Variants in ST3GAL3 observed in about 807,000 individuals in gnomAD.
ST3GAL3 encodes the protein CMP-N-acetylneuraminate-beta-1,4-galactoside alpha-2,3-sialyltransferase.
In ST3GAL3, 21 loss-of-function variants were observed where a neutral mutation model predicts 50.1. The observed-to-expected ratio is 0.42, with a 90% confidence interval of 0.30 to 0.60. The LOEUF is 0.60. ST3GAL3 is among the 20% of genes least tolerant of loss of function. The pLI, the probability that ST3GAL3 is intolerant of heterozygous loss-of-function variation, is 0.19. For missense variants in ST3GAL3, 353 were observed against 489.4 expected (o/e 0.72, Z 2.63); for synonymous variants, 183 against 190.0 (o/e 0.96, Z 0.30).
intron 1 of ST3GAL3, among the ~76,000 whole-genome samples, chr1:43,713,810 A>C (rs990580072): frequency 7.9e-5 from 12 of 152,198 alleles, no homozygotes; most frequent in South Asian, 2.1e-4. Flanking sequence ...CGCTGGGTTT[A>C]CACGCGTGAG....
intron 2 of ST3GAL3, among the ~76,000 whole-genome samples, chr1:43,768,104 T>C (rs1192891182): frequency 6.6e-6 from 1 of 152,162 alleles, no homozygotes; most frequent in East Asian, 1.9e-4. Flanking sequence ...ATTAACATAC[T>C]TTTCCAAGGA....
At chr1:43,894,210 G>C (rs189336112) in intron 5 of ST3GAL3, 173 bp from the exon 6 acceptor site, 1 of 691,528 alleles carries the variant, frequency 1.4e-6, no homozygotes, top group Admixed American at 2.0e-5. Flanking sequence ...CACTGAACAA[G>C]ATCTGTCAAA....
chr1:43,850,722 G>A (rs571892527), intron 5 of ST3GAL3: 92 of 746,572 alleles, frequency 1.2e-4, no homozygotes, highest in African/African-American at 7.7e-4. Context: ...GCCCAGCTCC[G>A]TCAGTGCCTC....
intron 3 of ST3GAL3, among the ~76,000 whole-genome samples, chr1:43,813,895 GCACACACGCACA>G (rs757484875): frequency 5.1e-5 from 5 of 97,788 alleles, no homozygotes; most frequent in African/African-American, 1.3e-4. Context: ...ACACACACAC[GCACACACGCACA>G]CACACACACA....
chr1:43,775,823 A>G (rs755589687), intron 2 of ST3GAL3, among the ~76,000 whole-genome samples: 8 of 152,054 alleles, frequency 5.3e-5, no homozygotes, highest in Non-Finnish European at 1.0e-4. Flanking sequence ...TTTCTCCTCA[A>G]TATAATATTA....
intron 5 of ST3GAL3, among the ~76,000 whole-genome samples, chr1:43,892,160 C>T (rs1372762755): frequency 6.6e-6 from 1 of 152,234 alleles, no homozygotes; most frequent in African/African-American, 2.4e-5. Flanking sequence ...CCAGGCTGGT[C>T]TCAAACTCCT....
intron 5 of ST3GAL3, 28 bp from the exon 6 acceptor site, chr1:43,894,355 G>A (rs768820451): frequency 6.2e-7 from 1 of 1,609,278 alleles, no homozygotes; most frequent in Non-Finnish European, 8.5e-7. Flanking sequence ...GCGTTTTTGT[G>A]ATCCTCAGCA....
At chr1:43,838,623 C>T (rs1218109930) in intron 5 of ST3GAL3, 1 of 369,352 alleles carries the variant, frequency 2.7e-6, no homozygotes, top group South Asian at 2.3e-5. Flanking sequence ...CACAGAAGCT[C>T]CTAGACCTAG....
intron 2 of ST3GAL3, among the ~76,000 whole-genome samples, chr1:43,764,587 G>A (rs10890279): frequency 0.32 from 47,920 of 152,090 alleles, 9,263 homozygotes; most frequent in East Asian, 0.53. Context: ...GGAAAGATGT[G>A]GAGATTGTAT....
chr1:43,823,497 A>C (rs2062379327), intron 4 of ST3GAL3, among the ~76,000 whole-genome samples: 2 of 152,182 alleles, frequency 1.3e-5, no homozygotes. Context: ...TTTAGAACAT[A>C]GTTCAAATGT....
chr1:43,876,210 C>T (rs968993134), intron 5 of ST3GAL3, among the ~76,000 whole-genome samples: 42 of 152,158 alleles, frequency 2.8e-4, no homozygotes, highest in Non-Finnish European at 4.7e-4. Context: ...GCAATCCGCC[C>T]GCCTCGGCCT....
chr1:43,779,880 A>G (rs1325941527), intron 2 of ST3GAL3, among the ~76,000 whole-genome samples: 2 of 152,108 alleles, frequency 1.3e-5, no homozygotes, highest in South Asian at 2.1e-4. Context: ...AGTTGTATAA[A>G]TCTTTCTCCA....
At chr1:43,828,574 A>C (rs2063122346) in intron 4 of ST3GAL3, among the ~76,000 whole-genome samples, 1 of 152,234 alleles carries the variant, frequency 6.6e-6, no homozygotes, top group South Asian at 2.1e-4. Flanking sequence ...CCCAATTAAA[A>C]AAATGGGCAA....
At chr1:43,880,170 G>A (rs1007816272) in intron 5 of ST3GAL3, among the ~76,000 whole-genome samples, 4 of 152,152 alleles carry the variant, frequency 2.6e-5, no homozygotes, top group Non-Finnish European at 5.9e-5. Context: ...GAGAGCTAGG[G>A]GTGCCACAAA....
intron 2 of ST3GAL3, among the ~76,000 whole-genome samples, chr1:43,753,244 C>A (rs1379157638): frequency 6.6e-6 from 1 of 152,182 alleles, no homozygotes; most frequent in East Asian, 1.9e-4. Context: ...CTGTGCAGTG[C>A]AGTTGAATAT....
chr1:43,841,752 T>C (rs907716818), intron 5 of ST3GAL3: 4 of 152,254 alleles, frequency 2.6e-5, no homozygotes, highest in Admixed American at 2.0e-4. Context: ...CAAATGTCTC[T>C]AGCAAGTGGT....
chr1:43,817,625 C>CCT (rs1558438436), intron 4 of ST3GAL3, among the ~76,000 whole-genome samples: 105 of 120,788 alleles, frequency 8.7e-4, no homozygotes, highest in South Asian at 1.9e-3. Flanking sequence ...TTCTCCTCCT[C>CCT]CCTTCTCCTC....
chr1:43,808,080 G>T (rs1014982015), intron 3 of ST3GAL3, among the ~76,000 whole-genome samples: 2 of 152,224 alleles, frequency 1.3e-5, no homozygotes, highest in Admixed American at 6.5e-5. Context: ...AAGGCAGGTG[G>T]ATCATGAGGT....
At chr1:43,831,568 C>T (rs1222512852) in intron 4 of ST3GAL3, 1 of 152,230 alleles carries the variant, frequency 6.6e-6, no homozygotes, top group African/African-American at 2.4e-5. Flanking sequence ...CCACAAACAA[C>T]AAGTATCTGT....
Sources: gnomAD v4.1 joint callset for allele counts (sites outside exome capture counted in the v4.1 genomes callset) on GRCh38, gnomAD v4.1.1 for gene constraint, MANE v1.5 for transcripts, NCBI Gene and HGNC (gene_info 2026-07-23, HGNC 2026-07-21) for gene names.